ELAVL1: variants seen among roughly 807,000 people sequenced by gnomAD.
The protein encoded by ELAVL1 is ELAV-like protein 1.
Under a neutral mutation model 28.4 loss-of-function variants are expected in ELAVL1, and 1 was observed. The observed-to-expected ratio is 0.04, with a 90% CI of 0.01 to 0.17. ELAVL1 has a LOEUF of 0.17. ELAVL1 is among the 10% of genes least tolerant of loss of function. The probability of loss-of-function intolerance (pLI) is 1.00; values close to 1 mark genes in which losing one functional copy is unlikely to be tolerated. For missense variants in ELAVL1, 157 were observed against 447.2 expected (o/e 0.35, Z 5.85); for synonymous variants, 174 against 183.5 (o/e 0.95, Z 0.42).
chr19:7,963,708 C>A lies in ELAVL1; in HGVS notation c.756G>T (p.Gly252=). ...AGAGGATCCCCTCGTCGGCATCCTG[C>A]CCCAGGTTGTAGATGAAAATGCACC... ...SGWCIFIYNL[G]QDADEGILWQ... is the part of the protein sequence containing the mutation. The change falls in exon 6 of 6, where the codon GGG becomes GGT. Residue 252 remains glycine, a synonymous_variant. Transcript: ENST00000407627. The surrounding 1 kb of genome is among the most constrained non-coding windows in gnomAD (Gnocchi z 4.5). The A allele has an allele frequency of 6.2e-7, 1 of 1,614,266 alleles. No individual in the cohort carries two copies. The highest frequency in any genetic ancestry group is 1.7e-5 in the Admixed American group (1 of 60,038).
intron 4 of ELAVL1, among the ~76,000 whole-genome samples, chr19:7,969,745 G>A (rs115875495): frequency 1.7e-3 from 261 of 152,216 alleles, no homozygotes; most frequent in African/African-American, 6.1e-3. Flanking sequence ...AAGACCCTGC[G>A]GCCCAGCGGA....
At chr19:7,972,510 G>A (rs569323482) in intron 4 of ELAVL1, among the ~76,000 whole-genome samples, 2 of 152,388 alleles carry the variant, frequency 1.3e-5, no homozygotes, top group South Asian at 4.1e-4. Context: ...GTGCACTTTA[G>A]ATGTGCTCCC....
At chr19:7,989,840 C>T (rs1323047724) in intron 2 of ELAVL1, among the ~76,000 whole-genome samples, 9 of 152,146 alleles carry the variant, frequency 5.9e-5, no homozygotes. Flanking sequence ...TTATTCAGTG[C>T]CTGCATCTGA....
rs548939698 is a variant in ELAVL1, at chr19:7,967,049, A to G, written c.656+516T>C. On this transcript the variant is annotated intron_variant, in intron 5 of 5. Coordinates refer to ENST00000407627, the MANE Select transcript of ELAVL1 (RefSeq NM_001419.3). ...TCTTTTTTTTTTTTTTAATAAAAACAAAAAAAGACAGGTTCTGGCCCTGTG... is the reference window on the plus strand; with the variant it reads ...TCTTTTTTTTTTTTTTAATAAAAACGAAAAAAGACAGGTTCTGGCCCTGTG... Among the ~76,000 whole-genome samples, 11 of 151,166 alleles carry G rather than the reference A, an allele frequency of 7.3e-5. No individual in the cohort carries two copies. The East Asian group carries it at 2.0e-3, about 27-fold the overall frequency.
chr19:7,993,422 CAA>C (rs1225229222), intron 1 of ELAVL1, among the ~76,000 whole-genome samples: 1 of 152,214 alleles, frequency 6.6e-6, no homozygotes, highest in African/African-American at 2.4e-5. Context: ...TGTTTATTCC[CAA>C]AGACACAGTG....
chr19:7,994,544 G>A lies in ELAVL1; in HGVS notation c.-16-2713C>T, dbSNP rs78832631. Among the ~76,000 whole-genome samples the A allele has an allele frequency of 1.1e-3, 175 of 152,322 alleles. 5 individuals carry two copies. The East Asian group carries it at 0.023, about 20-fold the overall frequency. On this transcript the variant is annotated intron_variant, in intron 1 of 5. Coordinates refer to ENST00000407627, the MANE Select transcript of ELAVL1 (RefSeq NM_001419.3). Reference sequence around the variant, plus strand: ...TAAAGGCCTTAAATTCAAATGGCTCGTAAGTCCAGAAAAAGACACTGAACT... The same window carrying A: ...TAAAGGCCTTAAATTCAAATGGCTCATAAGTCCAGAAAAAGACACTGAACT...
chr19:8,001,516 T>G (rs1308498569), intron 1 of ELAVL1, among the ~76,000 whole-genome samples: 1 of 152,206 alleles, frequency 6.6e-6, no homozygotes, highest in East Asian at 1.9e-4. Context: ...GTCACTCCCC[T>G]TCCTTGAGTC....
At chr19:7,971,220 C>T (rs1413183965) in intron 4 of ELAVL1, among the ~76,000 whole-genome samples, 1 of 152,224 alleles carries the variant, frequency 6.6e-6, no homozygotes, top group Non-Finnish European at 1.5e-5. Flanking sequence ...TGAGTTCCCC[C>T]TGCCTGTGGC....
At chr19:7,975,954 G>A (rs528795159) in intron 3 of ELAVL1, among the ~76,000 whole-genome samples, 19 of 152,166 alleles carry the variant, frequency 1.2e-4, no homozygotes, top group Admixed American at 4.6e-4. Flanking sequence ...TTAGCTGGTC[G>A]TGGTGGGGCA....
chr19:7,982,019 C>T lies in ELAVL1; in HGVS notation c.173-833G>A. Among the ~76,000 whole-genome samples the T allele has an allele frequency of 6.6e-6, 1 of 152,224 alleles. No individual in the cohort carries two copies. The highest frequency in any genetic ancestry group is 1.5e-5 in the Non-Finnish European group (1 of 68,042). On this transcript the variant is annotated intron_variant, in intron 2 of 5. Coordinates refer to ENST00000407627, the MANE Select transcript of ELAVL1 (RefSeq NM_001419.3). This position sits in a 1 kb window ranked among gnomAD's most constrained non-coding sequence, Gnocchi z 4.3. The stretch of plus-strand genomic sequence containing the variant: ...GAGGCCAGGGGCTGAGAATCCCCAG[C>T]CCTGCCAGACAGTGGGGGAGAACCA...
intron 3 of ELAVL1, 59 bp from the exon 4 acceptor site, chr19:7,973,937 G>A: frequency 2.5e-6 from 4 of 1,590,516 alleles, no homozygotes; most frequent in Non-Finnish European, 3.4e-6. Flanking sequence ...GCATTGAGGA[G>A]GGTGTTGAAT....
chr19:8,002,181 G>A (rs1204550808), intron 1 of ELAVL1: 1 of 1,237,960 alleles, frequency 8.1e-7, no homozygotes, highest in Non-Finnish European at 1.1e-6. Flanking sequence ...TCTGAACACT[G>A]CGATGTTCCC....
At position 7,958,687 on chromosome 19, in the gene ELAVL1, T is replaced by A. The variant is rs117179851; in HGVS notation, c.*4796A>T. On this transcript the variant is annotated 3_prime_UTR_variant, in exon 6 of 6. Coordinates refer to ENST00000407627, the MANE Select transcript of ELAVL1 (RefSeq NM_001419.3). ...TAGAAAGAACTGAGTATCGGGACAA[T>A]TGAGTCGTTGGAACTGTAAGCCACG... The A allele has an allele frequency of 1.3e-5, 2 of 152,326 alleles. No homozygotes were observed. Among genetic ancestry groups the A allele is most frequent in the Admixed American group, 1.3e-4 (2 of 15,286 alleles). The allele number at this position is 152,326 out of a possible 1,614,324, so 9.4% of individuals were successfully genotyped here.
chr19:7,964,385 A>G (rs1278130988), intron 5 of ELAVL1, among the ~76,000 whole-genome samples: 1 of 152,132 alleles, frequency 6.6e-6, no homozygotes, highest in Non-Finnish European at 1.5e-5. Context: ...CTGTGGCTAG[A>G]GCTCAACATC....
chr19:7,982,655 A>C lies in ELAVL1; in HGVS notation c.173-1469T>G, dbSNP rs1432763901. On this transcript the variant is annotated intron_variant, in intron 2 of 5. Transcript: ENST00000407627. This position sits in a 1 kb window ranked among gnomAD's most constrained non-coding sequence, Gnocchi z 4.3. ...AAGTGAGTATGAAATGCTGGTGACG[A>C]TGAATGTTCCCATTACCTCTAGTCC... 1.3e-5 allele frequency among the ~76,000 whole-genome samples: 2 copies of C among 152,138 alleles called. No individual in the cohort carries two copies. The highest frequency in any genetic ancestry group is 1.5e-5 in the Non-Finnish European group (1 of 68,022).
At chr19:7,969,938 G>T (rs944142886) in intron 4 of ELAVL1, among the ~76,000 whole-genome samples, 1 of 151,912 alleles carries the variant, frequency 6.6e-6, no homozygotes, top group Admixed American at 6.6e-5. Context: ...AGATGGCTCT[G>T]CATTTTTTGT....
chr19:7,970,770 C>T (rs1013647341), intron 4 of ELAVL1, among the ~76,000 whole-genome samples: 2 of 151,424 alleles, frequency 1.3e-5, no homozygotes, highest in Admixed American at 6.6e-5. Context: ...GCTATGTTGG[C>T]CAGGCTGTTC....
rs1402248080 is a variant in ELAVL1 at position 7,982,841 on chromosome 19, G to T, written c.173-1655C>A. On this transcript the variant is annotated intron_variant, in intron 2 of 5. Transcript: ENST00000407627. This position sits in a 1 kb window ranked among gnomAD's most constrained non-coding sequence, Gnocchi z 4.3. ...CTGTGACGGTTTTGAGGACTGGTCG[G>T]ACATCCCGTAGACTCTCGATTGGGT... 1.3e-5 allele frequency among the ~76,000 whole-genome samples: 2 copies of T among 152,190 alleles called. No individual in the cohort carries two copies. Among genetic ancestry groups the T allele is most frequent in the African/African-American group, 4.8e-5 (2 of 41,446 alleles).
At chr19:7,974,307 G>A (rs1391732453) in intron 3 of ELAVL1, among the ~76,000 whole-genome samples, 2 of 152,264 alleles carry the variant, frequency 1.3e-5, no homozygotes, top group South Asian at 4.1e-4. Flanking sequence ...CAAAGAGCAA[G>A]CTCGCCACAG....
Sources: allele counts gnomAD v4.1 joint callset (sites outside exome capture counted in the v4.1 genomes callset), GRCh38; gene constraint gnomAD v4.1.1; non-coding constraint Gnocchi (gnomAD v3.1); transcripts MANE v1.5; gene names NCBI Gene and HGNC (gene_info 2026-07-23, HGNC 2026-07-21).